Variants in NOP53 observed in about 807,000 individuals in gnomAD.
NOP53 encodes NOP53 ribosome biogenesis factor, also known as ribosome biogenesis protein NOP53.
In NOP53, 40 loss-of-function variants were observed where a neutral mutation model predicts 61.0. The observed-to-expected ratio is 0.66, with a 90% CI of 0.51 to 0.85. NOP53 has a LOEUF of 0.85. Among genes scored for constraint, NOP53 ranks in the 40% least tolerant of loss-of-function variants. The pLI, the probability that NOP53 is intolerant of heterozygous loss-of-function variation, is 0.00. For missense variants in NOP53, 689 were observed against 652.9 expected (o/e 1.06, Z -0.60); for synonymous variants, 308 against 289.5 (o/e 1.06, Z -0.65).
At chr19:47,753,701 AG>A in intron 6 of NOP53, 1 of 152,150 alleles carries the variant, frequency 6.6e-6, no homozygotes, top group Non-Finnish European at 1.5e-5. Context: ...CAGATGTGGG[AG>A]GGGGCGTGGA....
At position 47,755,477 on chromosome 19, in the gene NOP53, C is replaced by T. The variant is rs1005811039; in HGVS notation, c.1183C>T (p.Arg395Trp). Residue 395 changes from arginine (R) to tryptophan (W), a missense_variant, in exon 9 of 13, where the codon CGG becomes TGG. Arg to Trp is a moderately radical substitution (Grantham distance 101). Coordinates refer to ENST00000246802, the MANE Select transcript of NOP53 (RefSeq NM_015710.5). Reference protein sequence around the residue: ...LARRQRRRQARREAEADKPRR... With the variant: ...LARRQRRRQAWREAEADKPRR... ...GCGGCGGCAGAGGCGGCGGCAGGCG[C>T]GGCGGGAGGCTGAGGCTGACAAGCC... The T allele has an allele frequency of 1.1e-5, 17 of 1,484,974 alleles. No individual in the cohort carries two copies. The highest frequency in any genetic ancestry group is 1.0e-4 in the African/African-American group (7 of 68,916). The allele number at this position is 1,484,974 out of a possible 1,614,324, so 92.0% of individuals were successfully genotyped here.
In NOP53 at chr19:47,746,157, T is replaced by C. The variant is rs184558123; in HGVS notation, c.224+374T>C. 3 of 184,960 alleles carry C rather than the reference T, an allele frequency of 1.6e-5. No homozygotes were observed. The Admixed American group carries it at 1.6e-4, about 10-fold the overall frequency. The allele number at this position is 184,960 out of a possible 1,614,324, so 11.5% of individuals were successfully genotyped here. A position where few individuals can be genotyped will look rare whatever the true frequency, so the allele number is the denominator to read the frequency against. On this transcript the variant is annotated intron_variant, in intron 1 of 12. Coordinates refer to ENST00000246802, the MANE Select transcript of NOP53 (RefSeq NM_015710.5). ...ATATATGTGTATATGTGTGTATATA[T>C]ATATGTGTATATGTGTGTGTGTATA...
chr19:47,746,150 G>GTA (rs371618290), intron 1 of NOP53: 84 of 211,968 alleles, frequency 4.0e-4, no homozygotes, highest in South Asian at 6.3e-4. Context: ...GTATATGTGT[G>GTA]TATATATATA....
At chr19:47,746,122 GTGTGTGTATATATATGTGTATA>G (rs1225762252) in intron 1 of NOP53, 10 of 324,526 alleles carry the variant, frequency 3.1e-5, no homozygotes, top group Middle Eastern at 2.0e-3. Context: ...ATGTATATAT[GTGTGTGTATATATATGTGTATA>G]TGTGTGTATA....
At chr19:47,755,712 G>A in intron 9 of NOP53, 44 bp from the exon 10 acceptor site, 1 of 1,541,484 alleles carries the variant, frequency 6.5e-7, no homozygotes, top group Non-Finnish European at 8.8e-7. Flanking sequence ...GGTGTCCTGG[G>A]CCCCGCGGGG....
intron 10 of NOP53, chr19:47,756,204 C>T (rs910691572): frequency 1.9e-5 from 10 of 521,682 alleles, no homozygotes; most frequent in African/African-American, 1.3e-4. Context: ...CCGACCCGGC[C>T]GTGGGGCTCC....
chr19:47,745,563 G>A lies in NOP53; in HGVS notation c.4G>A (p.Ala2Thr), dbSNP rs1488574259. The change falls in exon 1 of 13, where the codon GCG becomes ACG. Residue 2 changes from alanine to threonine, a missense_variant. By Grantham distance (58) the Ala-to-Thr change is moderately conservative. Coordinates refer to ENST00000246802, the MANE Select transcript of NOP53 (RefSeq NM_015710.5). M[A>T]AGGSGVGGKR... The stretch of plus-strand genomic sequence containing the variant: ...GCTGAGTTCTTCCTTTGACAAGATG[G>A]CGGCAGGAGGCAGTGGCGTTGGTGG... 1 of 1,613,404 alleles carries A rather than the reference G, an allele frequency of 6.2e-7. No individual in the cohort carries two copies. The highest frequency in any genetic ancestry group is 2.2e-5 in the East Asian group (1 of 44,894).
chr19:47,748,310 T>C (rs193206330), intron 2 of NOP53, among the ~76,000 whole-genome samples: 1 of 151,998 alleles, frequency 6.6e-6, no homozygotes, highest in East Asian at 1.9e-4. Context: ...GTTGCTAGAA[T>C]GTAGGGTGGG....
Position 47,750,251 on chromosome 19 carries a change from C to T in NOP53, c.363C>T (p.Ile121=). The T allele has an allele frequency of 1.2e-6, 2 of 1,610,442 alleles. No individual in the cohort carries two copies. Among genetic ancestry groups the T allele is most frequent in the Non-Finnish European group, 1.7e-6 (2 of 1,176,620 alleles). Residue 121 remains isoleucine (I), a synonymous_variant, in exon 3 of 13, where the codon ATC becomes ATT. Coordinates refer to ENST00000246802, the MANE Select transcript of NOP53 (RefSeq NM_015710.5). The part of the protein sequence containing the change: ...LLKKPLRVDL[I]LENTSKVPAP... ...AGAAACCCCTTCGGGTTGACCTCAT[C>T]CTCGAGAACACATCCAAAGTCCCTG...
chr19:47,752,225 G>A (rs1967132983), intron 5 of NOP53, among the ~76,000 whole-genome samples: 1 of 152,240 alleles, frequency 6.6e-6, no homozygotes, highest in Non-Finnish European at 1.5e-5. Context: ...TGGCAGAAGT[G>A]TCACGGGTTT....
chr19:47,752,803 CG>C lies in NOP53; in HGVS notation c.765+200del, dbSNP rs937647228. 9.4e-6 allele frequency: 5 copies of C among 532,658 alleles called. No individual in the cohort carries two copies. The African/African-American group carries it at 9.4e-5, about 10-fold the overall frequency. The allele number at this position is 532,658 out of a possible 1,614,324, so 33.0% of individuals were successfully genotyped here. A position where few individuals can be genotyped will look rare whatever the true frequency, so the allele number is the denominator to read the frequency against. On this transcript the variant is annotated intron_variant, in intron 6 of 12. Transcript: ENST00000246802. ...GAGTGGTTGGGGCTGGGAGCCCAGA[CG>C]GGGCACCTGGCCCAGCCTGGGGGGT...
chr19:47,747,029 AAG>A lies in NOP53; in HGVS notation c.288_289del (p.Gly97AlafsTer22). 6.2e-7 allele frequency: 1 copy of A among 1,613,276 alleles called. No individual in the cohort carries two copies. The highest frequency in any genetic ancestry group is 8.5e-7 in the Non-Finnish European group (1 of 1,179,320). On this transcript the variant is annotated frameshift_variant and splice_region_variant, in exon 2 of 13. Transcript: ENST00000246802. LOFTEE classifies it high-confidence loss of function. Reference sequence around the variant, plus strand: ...TTCGTGGACACTGGCTCCAAGGAAAAAGGTGAGGAGAGGCTTTTGTGGTGTGG... The same window carrying A: ...TTCGTGGACACTGGCTCCAAGGAAAAGTGAGGAGAGGCTTTTGTGGTGTGG...
chr19:47,754,138 A>G lies in NOP53; in HGVS notation c.766-389A>G, dbSNP rs1967156874. 1 of 178,128 alleles carries G rather than the reference A, an allele frequency of 5.6e-6. No individual in the cohort carries two copies. The highest frequency in any genetic ancestry group is 1.2e-5 in the Non-Finnish European group (1 of 84,300). 11.0% of individuals were successfully genotyped at this position (178,128 alleles called of 1,614,324 possible). A position where few individuals can be genotyped will look rare whatever the true frequency, so the allele number is the denominator to read the frequency against. ...ACTAAAGTTACAGAATTAGCCGGGTATGGTGGCACATGCCTGTAATAGTAG... is the reference window on the plus strand; with the variant it reads ...ACTAAAGTTACAGAATTAGCCGGGTGTGGTGGCACATGCCTGTAATAGTAG... On this transcript the variant is annotated intron_variant, in intron 6 of 12. Coordinates refer to ENST00000246802, the MANE Select transcript of NOP53 (RefSeq NM_015710.5). This position sits in a 1 kb window ranked among gnomAD's most constrained non-coding sequence, Gnocchi z 4.2.
At chr19:47,755,894 G>C (rs923458245) in intron 10 of NOP53, 72 bp downstream of exon 10, 13 of 1,314,434 alleles carry the variant, frequency 9.9e-6, no homozygotes, top group Non-Finnish European at 1.4e-5. Flanking sequence ...TGCCCCCCAG[G>C]GGCTATGGGC....
At chr19:47,756,932 G>T in intron 12 of NOP53, 67 bp from the exon 13 acceptor site, 1 of 1,599,758 alleles carries the variant, frequency 6.3e-7, no homozygotes, top group East Asian at 2.2e-5. Flanking sequence ...AAGGCAGGGG[G>T]TGTCAGGTCG....
At chr19:47,751,135 T>C (rs10402957) in intron 4 of NOP53, 28 bp downstream of exon 4, 1,091,285 of 1,570,382 alleles carry the variant, frequency 0.69, 382,719 homozygotes, top group South Asian at 0.74. Context: ...CACCTATGAA[T>C]GGGGACAGGA....
intron 5 of NOP53, among the ~76,000 whole-genome samples, 184 bp downstream of exon 5, chr19:47,751,774 G>T (rs1967127642): frequency 6.6e-6 from 1 of 152,118 alleles, no homozygotes; most frequent in African/African-American, 2.4e-5. Flanking sequence ...TGGGAAGGTG[G>T]TCTCACCTTT....
rs1250909515 is a variant in NOP53, at chr19:47,754,111, C to CTA, written c.766-415_766-414dup. 3 of 167,620 alleles carry CTA rather than the reference C, an allele frequency of 1.8e-5. No homozygotes were observed. The highest frequency in any genetic ancestry group is 7.2e-5 in the African/African-American group (3 of 41,826). The allele number at this position is 167,620 out of a possible 1,614,324, so 10.4% of individuals were successfully genotyped here. A position where few individuals can be genotyped will look rare whatever the true frequency, so the allele number is the denominator to read the frequency against. The stretch of plus-strand genomic sequence containing the variant: ...TGACCAACATGGAGAAACCCCATCT[C>CTA]TACTAAAGTTACAGAATTAGCCGGG... On this transcript the variant is annotated intron_variant, in intron 6 of 12. Transcript: ENST00000246802. The surrounding 1 kb of genome is among the most constrained non-coding windows in gnomAD (Gnocchi z 4.2).
rs1967171506 is a variant in NOP53 at position 47,754,946 on chromosome 19, T to C, written c.1053+55T>C. The C allele has an allele frequency of 7.0e-7, 1 of 1,428,444 alleles. No homozygotes were observed. The highest frequency in any genetic ancestry group is 1.4e-5 in the South Asian group (1 of 71,406). The allele number at this position is 1,428,444 out of a possible 1,614,324, so 88.5% of individuals were successfully genotyped here. Reference sequence around the variant, plus strand: ...CTGATGCCTCGCCCCCTTCCTTCCTTCCTCCCACCATGGGCTGCCCTGGGT... The same window carrying C: ...CTGATGCCTCGCCCCCTTCCTTCCTCCCTCCCACCATGGGCTGCCCTGGGT... On this transcript the variant is annotated intron_variant, in intron 8 of 12. Transcript: ENST00000246802. The surrounding 1 kb of genome is among the most constrained non-coding windows in gnomAD (Gnocchi z 4.2).
Sources: allele counts gnomAD v4.1 joint callset (sites outside exome capture counted in the v4.1 genomes callset), GRCh38; gene constraint gnomAD v4.1.1; non-coding constraint Gnocchi (gnomAD v3.1); transcripts MANE v1.5; gene names NCBI Gene and HGNC (gene_info 2026-07-23, HGNC 2026-07-21).